MYO15A: variants seen among roughly 807,000 people sequenced by gnomAD.
MYO15A encodes the protein unconventional myosin-XV.
In MYO15A, 308 loss-of-function variants were observed where a neutral mutation model predicts 394.6. That is an observed-to-expected ratio of 0.78 (90% CI 0.71 to 0.86). The LOEUF (loss-of-function observed/expected upper bound fraction) is 0.86, where lower values mean the gene tolerates loss of function less well. Ranked by LOEUF, MYO15A falls within the 40% of genes least tolerant of loss-of-function variation. The pLI, the probability that MYO15A is intolerant of heterozygous loss-of-function variation, is 0.00. For missense variants in MYO15A, 4,606 were observed against 4,799.1 expected, an observed-to-expected ratio of 0.96 and a Z score of 1.19; for synonymous variants, 1,957 against 2,003.8, an observed-to-expected ratio of 0.98 and a Z score of 0.62.
intron 55 of MYO15A, 93 bp downstream of exon 55, chr17:18,159,772 A>G (rs1422523101): frequency 2.7e-6 from 4 of 1,505,952 alleles, no homozygotes; most frequent in Admixed American, 3.6e-5. Flanking sequence ...TAGGGTGGGA[A>G]ACCTCTCCCA....
At position 18,151,874 on chromosome 17, in the gene MYO15A, C is replaced by T. The variant is rs1042742761; in HGVS notation, c.7816C>T (p.Arg2606Trp). The change falls in exon 41 of 66, where the codon CGG becomes TGG. Residue 2606 changes from arginine (R) to tryptophan (W), a missense_variant. By Grantham distance (101) the Arg-to-Trp change is moderately radical. Coordinates refer to ENST00000647165, the MANE Select transcript of MYO15A (RefSeq NM_016239.4). Reference sequence around the variant, plus strand: ...GGATGGCGGGAAAGTGTTCATGAAGCGGCCAGACCCTCATGAGGAGGCCCT... The same window carrying T: ...GGATGGCGGGAAAGTGTTCATGAAGTGGCCAGACCCTCATGAGGAGGCCCT... Reference protein sequence around the residue: ...RKDGGKVFMKRPDPHEEALMI... With the variant: ...RKDGGKVFMKWPDPHEEALMI... 13 of 1,578,012 alleles carry T rather than the reference C, an allele frequency of 8.2e-6. No individual in the cohort carries two copies. The highest frequency in any genetic ancestry group is 1.7e-4 in the Middle Eastern group (1 of 6,046).
intron 8 of MYO15A, 62 bp from the exon 9 acceptor site, chr17:18,131,177 C>G (rs772064412): frequency 1.8e-5 from 26 of 1,468,548 alleles, no homozygotes; most frequent in Non-Finnish European, 2.4e-5. Context: ...GCTATGCCCC[C>G]CACCCAGGCC....
At chr17:18,122,826 T>G in intron 2 of MYO15A, 1 of 178,328 alleles carries the variant, frequency 5.6e-6, no homozygotes, top group Non-Finnish European at 1.2e-5. Flanking sequence ...GTCTCTGCAG[T>G]TCCTCCTGCC....
In MYO15A at chr17:18,150,401, G is replaced by T; in HGVS notation, c.7213-28G>T. 1 of 1,595,934 alleles carries T rather than the reference G, an allele frequency of 6.3e-7. No individual in the cohort carries two copies. Among genetic ancestry groups the T allele is most frequent in the South Asian group, 1.1e-5 (1 of 90,660 alleles). ...AACCTTGGGAGTACAATAATGAGAT[G>T]GTCACTTGAGCCACCCACTGCCCCC... On this transcript the variant is annotated intron_variant, in intron 35 of 65. Transcript: ENST00000647165. The surrounding 1 kb of genome is among the most constrained non-coding windows in gnomAD (Gnocchi z 4.4).
At chr17:18,165,091 CAAA>C (rs542838222) in intron 60 of MYO15A, 14 of 49,442 alleles carry the variant, frequency 2.8e-4, no homozygotes, top group Admixed American at 6.4e-4. Context: ...AACTCCATCT[CAAA>C]AAAAAAAAAA....
chr17:18,135,973 C>T, intron 13 of MYO15A, 149 bp downstream of exon 13: 1 of 715,112 alleles, frequency 1.4e-6, no homozygotes. Flanking sequence ...TTTCAGACCC[C>T]AGAGACATTT....
At chr17:18,154,021 C>G in intron 43 of MYO15A, 110 bp from the exon 44 acceptor site, 2 of 1,603,404 alleles carry the variant, frequency 1.2e-6, no homozygotes, top group Non-Finnish European at 1.7e-6. Flanking sequence ...CGGGCTGAAA[C>G]CAGGGGTGGG....
chr17:18,139,695 G>C (rs1309275227), intron 19 of MYO15A, 84 bp downstream of exon 19: 4 of 1,473,478 alleles, frequency 2.7e-6, no homozygotes, highest in African/African-American at 2.8e-5. Flanking sequence ...GCCTGGGACC[G>C]TGTTGCCACG....
intron 7 of MYO15A, among the ~76,000 whole-genome samples, chr17:18,130,405 T>G (rs1597775516): frequency 2.8e-5 from 4 of 142,372 alleles, no homozygotes; most frequent in African/African-American, 5.3e-5. Context: ...CTGTGAGAGG[T>G]AAGGGGTTGG....
chr17:18,141,525 A>G, intron 22 of MYO15A, 128 bp from the exon 23 acceptor site: 3 of 903,866 alleles, frequency 3.3e-6, no homozygotes, highest in Non-Finnish European at 3.7e-6. Flanking sequence ...AGATTAGAAT[A>G]AACTATTTGT....
At chr17:18,125,059 G>C in intron 3 of MYO15A, 109 bp from the exon 4 acceptor site, 2 of 1,035,400 alleles carry the variant, frequency 1.9e-6, no homozygotes, top group South Asian at 2.5e-5. Flanking sequence ...TCAGAAACAG[G>C]ACTTGAATTC....
chr17:18,138,794 C>G lies in MYO15A; in HGVS notation c.5008-17C>G, dbSNP rs2046325562. 6.2e-7 allele frequency: 1 copy of G among 1,613,284 alleles called. No homozygotes were observed. The highest frequency in any genetic ancestry group is 1.7e-5 in the Admixed American group (1 of 59,970). On this transcript the variant is annotated splice_polypyrimidine_tract_variant and intron_variant, in intron 17 of 65. Transcript: ENST00000647165. ...CCAGGCCTCCTGCCCACCCACTGAT[C>G]CCTAAATTGCCCCCAGGCTACAGAC...
intron 18 of MYO15A, 124 bp downstream of exon 18, chr17:18,139,060 CA>C (rs2046332516): frequency 7.1e-7 from 1 of 1,414,572 alleles, no homozygotes; most frequent in Non-Finnish European, 9.7e-7. Context: ...TGCTGTGCCC[CA>C]GCTCTGTGAC....
chr17:18,135,693 T>C lies in MYO15A; in HGVS notation c.4483-18T>C, dbSNP rs1352114711. The C allele has an allele frequency of 6.2e-7, 1 of 1,610,378 alleles. No homozygotes were observed. Among genetic ancestry groups the C allele is most frequent in the Non-Finnish European group, 8.5e-7 (1 of 1,176,706 alleles). ...GCCTATCTAGTTCAAAGCACATTCC[T>C]GTTGGTATTTTGCATAGACGGATGC... On this transcript the variant is annotated intron_variant, in intron 12 of 65. Transcript: ENST00000647165.
rs1455338306 is a variant in MYO15A at position 18,151,165 on chromosome 17, A to G, written c.7529A>G (p.Lys2510Arg). The G allele has an allele frequency of 6.2e-7, 1 of 1,614,018 alleles. No individual in the cohort carries two copies. Among genetic ancestry groups the G allele is most frequent in the East Asian group, 2.2e-5 (1 of 44,874 alleles). Residue 2510 changes from lysine to arginine, a missense_variant, in exon 39 of 66, where the codon AAA becomes AGA. This residue lies in a region of MYO15A where 2,776 missense variants were observed against 3,109.3 expected (regional missense o/e 0.89). Transcript: ENST00000647165. The stretch of plus-strand genomic sequence containing the variant: ...TCTGTAGGCACCGGTCCCCCTGCCA[A>G]ACCCGTGCTCCTGCGTGCCACTCCA... ...PTSVGTGPPA[K>R]PVLLRATPKP...
chr17:18,175,395 A>T (rs1485131401), intron 65 of MYO15A, among the ~76,000 whole-genome samples: 1 of 148,096 alleles, frequency 6.8e-6, no homozygotes. Context: ...GGTTCAAGCG[A>T]TAATCCCACC....
intron 56 of MYO15A, chr17:18,161,001 C>T: frequency 2.1e-6 from 1 of 472,528 alleles, no homozygotes; most frequent in Admixed American, 3.0e-5. Flanking sequence ...CAGCAGCTTC[C>T]CCTTTTCCCA....
chr17:18,135,725 G>T lies in MYO15A; in HGVS notation c.4497G>T (p.Glu1499Asp), dbSNP rs149813580. ...ATTTTGCATAGACGGATGCACAGGA[G>T]GTGGCCTCAGTGGTGAGTGCCCGAG... ...YFEKYETDAQ[E>D]VASVVSAREI... The change falls in exon 13 of 66, where the codon GAG becomes GAT. Residue 1499 changes from glutamate (E) to aspartate (D), a missense_variant. By Grantham distance (45) the Glu-to-Asp change is conservative. Coordinates refer to ENST00000647165, the MANE Select transcript of MYO15A (RefSeq NM_016239.4). 1,650 of 1,614,150 alleles carry T rather than the reference G, an allele frequency of 1.0e-3. 3 individuals are homozygous for T. Among genetic ancestry groups the T allele is most frequent in the Admixed American group, 1.6e-3 (95 of 60,016 alleles).
intron 42 of MYO15A, among the ~76,000 whole-genome samples, chr17:18,152,852 T>C (rs781547224): frequency 9.8e-5 from 15 of 152,340 alleles, no homozygotes; most frequent in Non-Finnish European, 1.6e-4. Context: ...TCACCATTCA[T>C]GTCACAGCTC....
Sources: gnomAD v4.1 joint callset for allele counts (sites outside exome capture counted in the v4.1 genomes callset) on GRCh38, gnomAD v4.1.1 for gene constraint, gnomAD v4.1.1 regional missense constraint, Gnocchi (gnomAD v3.1) non-coding constraint, MANE v1.5 for transcripts, NCBI Gene and HGNC (gene_info 2026-07-23, HGNC 2026-07-21) for gene names.